NCKAP5: variants seen among roughly 807,000 people sequenced by gnomAD.
NCKAP5 encodes the protein NCK associated protein 5, also known as nck-associated protein 5.
Under a neutral mutation model 167.0 loss-of-function variants are expected in NCKAP5, and 92 were observed. The observed-to-expected ratio is 0.55, with a 90% CI of 0.47 to 0.66. The LOEUF (loss-of-function observed/expected upper bound fraction) is 0.66. Among genes scored for constraint, NCKAP5 ranks in the 30% least tolerant of loss-of-function variants. NCKAP5 has a pLI of 0.00. For synonymous variants in NCKAP5, 891 were observed against 877.4 expected, an observed-to-expected ratio of 1.02 and a Z score of -0.27; for missense variants, 2,378 against 2,315.0, an observed-to-expected ratio of 1.03 and a Z score of -0.56.
At chr2:133,371,715 T>A (rs753152327) in intron 3 of NCKAP5, among the ~76,000 whole-genome samples, 7 of 152,236 alleles carry the variant, frequency 4.6e-5, no homozygotes, top group Non-Finnish European at 7.3e-5. Context: ...TGGTTTAACC[T>A]CTGAATCAAT....
At chr2:132,715,032 T>C in intron 19 of NCKAP5, 1 of 381,944 alleles carries the variant, frequency 2.6e-6, no homozygotes, top group Non-Finnish European at 5.1e-6. Context: ...GGTTGTATAG[T>C]AAGTGTATAT....
chr2:132,932,653 T>C (rs1696479218), intron 8 of NCKAP5, among the ~76,000 whole-genome samples: 1 of 152,106 alleles, frequency 6.6e-6, no homozygotes, highest in African/African-American at 2.4e-5. Context: ...TGTGTCTGAG[T>C]CTATGCCTAG....
chr2:133,179,144 A>G (rs1232334344), intron 5 of NCKAP5, among the ~76,000 whole-genome samples: 1 of 152,148 alleles, frequency 6.6e-6, no homozygotes, highest in African/African-American at 2.4e-5. Context: ...CAAAACCCCA[A>G]AAAACAAAAG....
chr2:133,644,013 C>T, the NCKAP5 span, among the ~76,000 whole-genome samples: 2 of 152,184 alleles, frequency 1.3e-5, no homozygotes, highest in Non-Finnish European at 2.9e-5. Flanking sequence ...CCTGTCACTA[C>T]ATTTTGGCTA....
At chr2:132,867,390 T>G (rs1250026420) in intron 10 of NCKAP5, among the ~76,000 whole-genome samples, 1 of 152,196 alleles carries the variant, frequency 6.6e-6, no homozygotes, top group African/African-American at 2.4e-5. Context: ...AATTATAATT[T>G]GTCCTCCAAT....
At chr2:133,014,219 C>T (rs1202486180) in intron 6 of NCKAP5, among the ~76,000 whole-genome samples, 1 of 152,216 alleles carries the variant, frequency 6.6e-6, no homozygotes, top group African/African-American at 2.4e-5. Context: ...TTCCTATGCC[C>T]TTATGTCTCC....
chr2:133,002,052 G>T (rs1466940265), intron 6 of NCKAP5, among the ~76,000 whole-genome samples: 1 of 152,128 alleles, frequency 6.6e-6, no homozygotes, highest in Non-Finnish European at 1.5e-5. Context: ...TAAGAAAGCT[G>T]AGCATCCCCA....
intron 19 of NCKAP5, among the ~76,000 whole-genome samples, chr2:132,697,922 T>C (rs1244379753): frequency 1.4e-4 from 22 of 152,222 alleles, no homozygotes; most frequent in Non-Finnish European, 4.4e-5. Flanking sequence ...GGTTTAGTTT[T>C]CTGCCTGCTT....
At chr2:132,858,651 C>A (rs1303214998) in intron 11 of NCKAP5, among the ~76,000 whole-genome samples, 1 of 152,096 alleles carries the variant, frequency 6.6e-6, no homozygotes, top group Admixed American at 6.5e-5. Flanking sequence ...CTATTAACAG[C>A]CCATCTTTTA....
At chr2:132,974,670 A>T (rs759526395) in intron 7 of NCKAP5, among the ~76,000 whole-genome samples, 3 of 152,210 alleles carry the variant, frequency 2.0e-5, no homozygotes, top group African/African-American at 4.8e-5. Context: ...AACGGTAGTA[A>T]TTCTATCTGA....
chr2:132,826,114 A>ACTG (rs2105342948), intron 11 of NCKAP5, among the ~76,000 whole-genome samples: 1 of 152,324 alleles, frequency 6.6e-6, no homozygotes, highest in East Asian at 1.9e-4. Context: ...CTATGTATGA[A>ACTG]CTGCTTTGCT....
At chr2:132,743,222 T>A (rs976760561) in intron 16 of NCKAP5, among the ~76,000 whole-genome samples, 1 of 151,754 alleles carries the variant, frequency 6.6e-6, no homozygotes, top group African/African-American at 2.4e-5. Context: ...GAAACATAGA[T>A]GGAATACAAA....
chr2:132,926,975 G>C (rs548148051), intron 8 of NCKAP5, among the ~76,000 whole-genome samples: 2 of 152,156 alleles, frequency 1.3e-5, no homozygotes, highest in African/African-American at 4.8e-5. Context: ...GGTTTCCCTA[G>C]GTTTTATTCT....
intron 3 of NCKAP5, among the ~76,000 whole-genome samples, chr2:133,383,052 ATTGC>A: frequency 6.6e-6 from 1 of 152,020 alleles, no homozygotes; most frequent in South Asian, 2.1e-4. Context: ...GCATTCTAGG[ATTGC>A]TTTTTTTAAA....
the NCKAP5 span, among the ~76,000 whole-genome samples, chr2:133,573,636 A>G: frequency 6.6e-6 from 1 of 152,210 alleles, no homozygotes; most frequent in Non-Finnish European, 1.5e-5. Context: ...GGCCCTATGT[A>G]AGGATAAAGT....
chr2:133,050,787 T>G (rs549582789), intron 6 of NCKAP5, among the ~76,000 whole-genome samples: 2 of 152,242 alleles, frequency 1.3e-5, no homozygotes, highest in African/African-American at 2.4e-5. Flanking sequence ...ATTTGAGTGA[T>G]GAACTGAATA....
intron 6 of NCKAP5, among the ~76,000 whole-genome samples, chr2:133,079,268 C>A (rs954153759): frequency 2.0e-5 from 3 of 152,148 alleles, no homozygotes; most frequent in Non-Finnish European, 4.4e-5. Flanking sequence ...CAATTATATT[C>A]ATAAGACTGG....
At chr2:133,199,659 G>A (rs1254062574) in intron 5 of NCKAP5, among the ~76,000 whole-genome samples, 1 of 151,870 alleles carries the variant, frequency 6.6e-6, no homozygotes, top group Admixed American at 6.6e-5. Context: ...AAACAGAATG[G>A]TTCATTATTT....
intron 5 of NCKAP5, among the ~76,000 whole-genome samples, chr2:133,150,029 C>A (rs1342321754): frequency 8.5e-5 from 13 of 152,138 alleles, no homozygotes; most frequent in Non-Finnish European, 2.9e-5. Flanking sequence ...TGATTACAAA[C>A]TGCTAGCTTA....
Sources: gnomAD v4.1 joint callset for allele counts (sites outside exome capture counted in the v4.1 genomes callset) on GRCh38, gnomAD v4.1.1 for gene constraint, MANE v1.5 for transcripts, NCBI Gene and HGNC (gene_info 2026-07-23, HGNC 2026-07-21) for gene names.